Variants in ERC2 observed in about 807,000 individuals in gnomAD.
ERC2 encodes the protein ELKS/RAB6-interacting/CAST family member 2, also known as ERC protein 2.
ERC2 carries 42 observed loss-of-function variants against 114.8 expected under a neutral mutation model. That is an observed-to-expected ratio of 0.37 (90% CI 0.29 to 0.47). The LOEUF (loss-of-function observed/expected upper bound fraction) is 0.47. ERC2 is among the 20% of genes least tolerant of loss of function. ERC2 has a pLI of 0.99. For synonymous variants in ERC2, 454 were observed against 425.5 expected, an observed-to-expected ratio of 1.07 and a Z score of -0.82; for missense variants, 939 against 1,150.7, an observed-to-expected ratio of 0.82 and a Z score of 2.66.
intron 3 of ERC2, among the ~76,000 whole-genome samples, chr3:56,281,793 C>T (rs1237932774): frequency 6.6e-6 from 1 of 152,140 alleles, no homozygotes; most frequent in Non-Finnish European, 1.5e-5. Flanking sequence ...GTCTCCATAA[C>T]ATTCTGAAGC....
intron 12 of ERC2, among the ~76,000 whole-genome samples, chr3:55,966,489 T>G (rs1343126871): frequency 1.3e-5 from 2 of 152,144 alleles, no homozygotes; most frequent in Non-Finnish European, 2.9e-5. Flanking sequence ...TTGATCAGCA[T>G]CTCTTTGGAC....
At chr3:56,259,457 T>G (rs1163819412) in intron 3 of ERC2, among the ~76,000 whole-genome samples, 5 of 152,136 alleles carry the variant, frequency 3.3e-5, no homozygotes, top group Admixed American at 3.3e-4. Flanking sequence ...CCTGTGTAAG[T>G]AGCCAATTTT....
intron 12 of ERC2, among the ~76,000 whole-genome samples, chr3:55,967,510 T>A (rs1053889178): frequency 2.6e-5 from 4 of 152,212 alleles, no homozygotes; most frequent in African/African-American, 9.6e-5. Flanking sequence ...TTGTACCTTA[T>A]AAAATCAGAA....
intron 17 of ERC2, among the ~76,000 whole-genome samples, chr3:55,542,997 G>C (rs2054500398): frequency 6.6e-6 from 1 of 152,228 alleles, no homozygotes; most frequent in Non-Finnish European, 1.5e-5. Context: ...CCACTGGGAT[G>C]ATCTGCTAGG....
At position 55,676,649 on chromosome 3, in the gene ERC2, A is replaced by G. The variant is rs553610230; in HGVS notation, c.*39+7145T>C. ...TCTCTGACCTCAACTAGTGTTTCCA[A>G]CACCTTCCAAATTAGTGTCATCTGT... On this transcript the variant is annotated intron_variant, in intron 17 of 17. Coordinates refer to ENST00000288221, the MANE Select transcript of ERC2 (RefSeq NM_015576.3). Among the ~76,000 whole-genome samples the G allele has an allele frequency of 4.4e-4, 67 of 151,712 alleles. No individual in the cohort carries two copies. In the South Asian group the frequency reaches 0.014, roughly 32 times the overall value.
intron 3 of ERC2, among the ~76,000 whole-genome samples, chr3:56,263,314 A>T (rs1350400398): frequency 6.6e-6 from 1 of 151,884 alleles, no homozygotes; most frequent in Non-Finnish European, 1.5e-5. Flanking sequence ...GTGTTTCTGG[A>T]AGAGCTTAGC....
intron 17 of ERC2, among the ~76,000 whole-genome samples, chr3:55,612,167 T>C (rs2058932076): frequency 6.6e-6 from 1 of 152,172 alleles, no homozygotes; most frequent in Non-Finnish European, 1.5e-5. Flanking sequence ...AACAAGAGAA[T>C]GAGTTGTGCG....
At chr3:56,171,007 G>A (rs139235422) in intron 4 of ERC2, among the ~76,000 whole-genome samples, 2,260 of 151,854 alleles carry the variant, frequency 0.015, 142 homozygotes, top group Admixed American at 0.11. Flanking sequence ...CTCATGATCC[G>A]CCTGCCTCGG....
chr3:55,628,857 A>G (rs1028191461), intron 17 of ERC2, among the ~76,000 whole-genome samples: 3 of 152,244 alleles, frequency 2.0e-5, no homozygotes, highest in African/African-American at 7.2e-5. Context: ...TGAATTCTCA[A>G]GTACCTGAAT....
intron 1 of ERC2, among the ~76,000 whole-genome samples, chr3:56,456,962 AAAGT>A (rs869158203): frequency 1.1e-4 from 7 of 65,478 alleles, no homozygotes; most frequent in African/African-American, 3.5e-4. Flanking sequence ...ATATCGAAGT[AAAGT>A]AAGAGGCAGA....
intron 8 of ERC2, among the ~76,000 whole-genome samples, chr3:56,012,724 A>G (rs1476589383): frequency 6.6e-6 from 1 of 152,246 alleles, no homozygotes; most frequent in Admixed American, 6.5e-5. Flanking sequence ...AGTGTTATTG[A>G]TGATTCAATA....
At chr3:56,093,232 A>G (rs1034248379) in intron 6 of ERC2, among the ~76,000 whole-genome samples, 3 of 152,088 alleles carry the variant, frequency 2.0e-5, no homozygotes, top group African/African-American at 7.2e-5. Flanking sequence ...TTTCTTTTCT[A>G]TGATTATCTC....
chr3:55,615,081 A>G (rs918816588), intron 17 of ERC2, among the ~76,000 whole-genome samples: 3 of 152,222 alleles, frequency 2.0e-5, no homozygotes, highest in East Asian at 3.8e-4. Context: ...AAAGAAAAAT[A>G]TATTATTTAG....
At chr3:56,122,855 C>T (rs966475325) in intron 6 of ERC2, among the ~76,000 whole-genome samples, 3 of 152,284 alleles carry the variant, frequency 2.0e-5, no homozygotes, top group African/African-American at 7.2e-5. Context: ...ATGACTGTTG[C>T]TTGCTCCTGG....
chr3:56,165,252 T>C (rs977437696), intron 4 of ERC2, among the ~76,000 whole-genome samples: 4 of 151,960 alleles, frequency 2.6e-5, no homozygotes, highest in East Asian at 1.9e-4. Flanking sequence ...ATATGTTCTT[T>C]TGTGGCTGGC....
intron 17 of ERC2, among the ~76,000 whole-genome samples, chr3:55,547,406 T>C (rs1391100835): frequency 2.0e-5 from 3 of 152,250 alleles, no homozygotes; most frequent in Non-Finnish European, 2.9e-5. Flanking sequence ...TTTGTTTTTA[T>C]AGCTTATCGT....
chr3:56,453,891 G>A (rs948565351), intron 1 of ERC2, among the ~76,000 whole-genome samples: 8 of 152,138 alleles, frequency 5.3e-5, no homozygotes, highest in Non-Finnish European at 1.0e-4. Context: ...AATGGGCGTG[G>A]GCTGGACCTC....
chr3:56,451,191 T>G (rs183804376), intron 1 of ERC2, among the ~76,000 whole-genome samples: 1 of 152,332 alleles, frequency 6.6e-6, no homozygotes, highest in Admixed American at 6.5e-5. Flanking sequence ...CAGACGTTTC[T>G]GAGAAAATGA....
chr3:56,204,167 A>T (rs9880422), intron 3 of ERC2, among the ~76,000 whole-genome samples: 5 of 151,932 alleles, frequency 3.3e-5, no homozygotes, highest in East Asian at 1.9e-4. Flanking sequence ...CCAGCCTGGG[A>T]GACAGAAAGA....
Sources: allele counts gnomAD v4.1 joint callset (sites outside exome capture counted in the v4.1 genomes callset), GRCh38; gene constraint gnomAD v4.1.1; transcripts MANE v1.5; gene names NCBI Gene and HGNC (gene_info 2026-07-23, HGNC 2026-07-21).